Variants in GNAL observed in about 807,000 individuals in gnomAD.
The protein encoded by GNAL is guanine nucleotide-binding protein G(olf) subunit alpha.
A neutral mutation model predicts 55.1 loss-of-function variants in GNAL; 18 were observed. That is an observed-to-expected ratio of 0.33 (90% CI 0.23 to 0.48). The LOEUF (loss-of-function observed/expected upper bound fraction) is 0.48, where lower values mean the gene tolerates loss of function less well. GNAL is among the 20% of genes least tolerant of loss of function. The pLI is 0.99. For synonymous variants in GNAL, 253 were observed against 237.0 expected, an observed-to-expected ratio of 1.07 and a Z score of -0.62; for missense variants, 412 against 614.1, an observed-to-expected ratio of 0.67 and a Z score of 3.48.
In GNAL at chr18:11,880,975, G is replaced by T. The variant is rs191510381; in HGVS notation, c.1231-14G>T. On this transcript the variant is annotated splice_polypyrimidine_tract_variant and intron_variant, in intron 11 of 11. Transcript: ENST00000334049. ...GGGGCCGCGCAGGGCTAGTGCACAC[G>T]CTCTCTCTTGCAGAGGATCAGCACG... The T allele has an allele frequency of 1.2e-6, 2 of 1,612,350 alleles. No individual in the cohort carries two copies. Among genetic ancestry groups the T allele is most frequent in the African/African-American group, 2.7e-5 (2 of 75,000 alleles).
intron 1 of GNAL, among the ~76,000 whole-genome samples, chr18:11,748,534 C>T (rs2143062945): frequency 6.6e-6 from 1 of 152,196 alleles, no homozygotes; most frequent in Admixed American, 6.5e-5. Context: ...ACTTTTTCAT[C>T]ACATCTGTTT....
At chr18:11,792,118 A>G (rs2034255005) in intron 4 of GNAL, among the ~76,000 whole-genome samples, 1 of 152,056 alleles carries the variant, frequency 6.6e-6, no homozygotes. Context: ...AATTGGCACC[A>G]TAGCTTTGGT....
Position 11,867,209 on chromosome 18 carries a change from G to A in GNAL, c.893G>A (p.Trp298Ter). Residue 298 changes from tryptophan to a stop codon, truncating the protein, a stop_gained, in exon 8 of 12, where the codon TGG (tryptophan) becomes TAG (stop). Transcript: ENST00000334049. LOFTEE classifies it high-confidence loss of function. ...GGCCAGAGGGATGAGAGGAGAAAAT[G>A]GATCCAGTGCTTTAACGGTGATTTT... The part of the protein sequence containing the change: ...VGGQRDERRK[W>*]IQCFNDVTAI... 6.2e-7 allele frequency: 1 copy of A among 1,607,378 alleles called. No individual in the cohort carries two copies. The highest frequency in any genetic ancestry group is 8.5e-7 in the Non-Finnish European group (1 of 1,174,158).
chr18:11,851,657 G>A lies in GNAL; in HGVS notation c.723-10738G>A, dbSNP rs372758165. ...CAGAAGGGCAACATGGAAGTTGCGA[G>A]GATACACGCCGAAAATGCCATCCGC... On this transcript the variant is annotated intron_variant, in intron 5 of 11. Transcript: ENST00000334049. 1.8e-5 allele frequency: 29 copies of A among 1,613,918 alleles called. No individual in the cohort carries two copies. Among genetic ancestry groups the A allele is most frequent in the Non-Finnish European group, 2.5e-5 (29 of 1,179,904 alleles).
intron 1 of GNAL, among the ~76,000 whole-genome samples, chr18:11,734,943 A>T (rs1025171519): frequency 1.4e-4 from 21 of 145,616 alleles, no homozygotes; most frequent in Non-Finnish European, 7.5e-5. Flanking sequence ...GAGAAGTGGG[A>T]AGAGAGCATC....
chr18:11,700,908 G>C (rs563033748), intron 1 of GNAL, among the ~76,000 whole-genome samples: 75 of 152,306 alleles, frequency 4.9e-4, no homozygotes, highest in Middle Eastern at 3.4e-3. Context: ...CATTCTTTGA[G>C]TCACAAGGGA....
At chr18:11,767,161 A>G (rs916243641) in intron 4 of GNAL, among the ~76,000 whole-genome samples, 3 of 151,324 alleles carry the variant, frequency 2.0e-5, no homozygotes, top group African/African-American at 7.3e-5. Context: ...GTGCACCCTT[A>G]TGCTTGCACA....
chr18:11,691,983 A>G (rs2031263338), intron 1 of GNAL, among the ~76,000 whole-genome samples: 1 of 152,204 alleles, frequency 6.6e-6, no homozygotes, highest in African/African-American at 2.4e-5. Flanking sequence ...CAACAATTAG[A>G]AAACATGGTT....
chr18:11,858,369 T>C (rs1194693507), intron 5 of GNAL, among the ~76,000 whole-genome samples: 1 of 152,212 alleles, frequency 6.6e-6, no homozygotes, highest in Non-Finnish European at 1.5e-5. Flanking sequence ...CTGCATCTAA[T>C]AGTTGGAGTG....
In GNAL at chr18:11,837,455, A is replaced by G. The variant is rs181304163; in HGVS notation, c.722+12440A>G. 1.6e-4 allele frequency among the ~76,000 whole-genome samples: 25 copies of G among 152,328 alleles called. 1 individual carries two copies. In the East Asian group the frequency reaches 2.9e-3, roughly 18 times the overall value. On this transcript the variant is annotated intron_variant, in intron 5 of 11. Transcript: ENST00000334049. ...AAGTAAACCGATTTTTAAATCAGCA[A>G]AGGATCTAAATAGACATCTCCCAAG... is the stretch of plus-strand genomic sequence containing the variant.
At chr18:11,782,024 G>A (rs2033935109) in intron 4 of GNAL, among the ~76,000 whole-genome samples, 1 of 152,212 alleles carries the variant, frequency 6.6e-6, no homozygotes, top group Non-Finnish European at 1.5e-5. Context: ...ATATTCATCA[G>A]TGAAAAGGTT....
intron 1 of GNAL, among the ~76,000 whole-genome samples, chr18:11,743,397 G>A (rs2032621386): frequency 6.6e-6 from 1 of 151,928 alleles, no homozygotes; most frequent in Non-Finnish European, 1.5e-5. Flanking sequence ...CAAATCAAGG[G>A]ACTTTGTGGA....
intron 4 of GNAL, among the ~76,000 whole-genome samples, chr18:11,816,830 A>T (rs559424539): frequency 6.6e-6 from 1 of 152,178 alleles, no homozygotes; most frequent in African/African-American, 2.4e-5. Flanking sequence ...AAAAAAAAAA[A>T]AAGGAACAAA....
chr18:11,859,338 T>G (rs1409985804), intron 5 of GNAL, among the ~76,000 whole-genome samples: 1 of 152,150 alleles, frequency 6.6e-6, no homozygotes, highest in Non-Finnish European at 1.5e-5. Context: ...CAGAAACTTC[T>G]CCTACCTTCT....
intron 4 of GNAL, among the ~76,000 whole-genome samples, chr18:11,819,910 G>A (rs1045382106): frequency 1.1e-4 from 17 of 151,832 alleles, no homozygotes; most frequent in Non-Finnish European, 1.5e-4. Context: ...TTTTATTAAT[G>A]TTTTTAATTT....
At chr18:11,697,593 G>A (rs565964109) in intron 1 of GNAL, among the ~76,000 whole-genome samples, 3 of 151,922 alleles carry the variant, frequency 2.0e-5, no homozygotes, top group African/African-American at 4.8e-5. Flanking sequence ...GTGAGGAGGC[G>A]ACCTCATTCA....
chr18:11,740,075 G>GTATTTATTTATT (rs560000874), intron 1 of GNAL, among the ~76,000 whole-genome samples: 1 of 151,672 alleles, frequency 6.6e-6, no homozygotes, highest in African/African-American at 2.4e-5. Flanking sequence ...TTCTATTTAT[G>GTATTTATTTATT]TATTTATTTA....
At chr18:11,775,400 G>T (rs1037634338) in intron 4 of GNAL, among the ~76,000 whole-genome samples, 1 of 152,256 alleles carries the variant, frequency 6.6e-6, no homozygotes, top group Non-Finnish European at 1.5e-5. Flanking sequence ...TTACGCAGAT[G>T]ATCTCACTTA....
Position 11,868,576 on chromosome 18 carries a change from G to A in GNAL, c.944G>A (p.Ser315Asn), listed in dbSNP as rs774061970. 6.2e-7 allele frequency: 1 copy of A among 1,610,938 alleles called. No homozygotes were observed. The highest frequency in any genetic ancestry group is 2.2e-5 in the East Asian group (1 of 44,690). Residue 315 changes from serine to asparagine, a missense_variant, in exon 9 of 12, where the codon AGT (serine) becomes AAT (asparagine). Around this residue, in one of 5 missense-constraint regions of GNAL, gnomAD observed 53 missense variants for 182.7 expected, o/e 0.29. Transcript: ENST00000334049. This position sits in a 1 kb window ranked among gnomAD's most constrained non-coding sequence, Gnocchi z 4.0. ...VTAIIYVAAC[S>N]SYNMVIREDN... The stretch of plus-strand genomic sequence containing the variant: ...GCTATCATTTACGTCGCAGCCTGCA[G>A]TAGCTACAACATGGTGATTCGAGAA...
Sources: allele counts gnomAD v4.1 joint callset (sites outside exome capture counted in the v4.1 genomes callset), GRCh38; gene constraint gnomAD v4.1.1; regional missense constraint gnomAD v4.1.1; non-coding constraint Gnocchi (gnomAD v3.1); transcripts MANE v1.5; gene names NCBI Gene and HGNC (gene_info 2026-07-23, HGNC 2026-07-21).